GLI3: variants seen among roughly 807,000 people sequenced by gnomAD.
The protein encoded by GLI3 is GLI family zinc finger 3.
A neutral mutation model predicts 100.8 loss-of-function variants in GLI3; 20 were observed. The observed-to-expected ratio is 0.20, with a 90% CI of 0.14 to 0.29. The LOEUF (loss-of-function observed/expected upper bound fraction) is 0.29, where lower values mean the gene tolerates loss of function less well. Ranked by LOEUF, GLI3 falls within the 10% of genes least tolerant of loss-of-function variation. GLI3 has a pLI of 1.00. For synonymous variants in GLI3, 938 were observed against 860.5 expected (o/e 1.09, Z -1.58); for missense variants, 2,040 against 2,128.5 (o/e 0.96, Z 0.82).
At chr7:42,023,760 G>C in intron 9 of GLI3, 152 bp from the exon 10 acceptor site, 1 of 671,350 alleles carries the variant, frequency 1.5e-6, no homozygotes, top group South Asian at 1.8e-5. Flanking sequence ...TCATATCTGT[G>C]CATATTTTCA....
chr7:42,024,494 T>C (rs370569453), intron 9 of GLI3, among the ~76,000 whole-genome samples: 27 of 152,314 alleles, frequency 1.8e-4, no homozygotes, highest in African/African-American at 6.5e-4. Flanking sequence ...GCAAGCAGTC[T>C]GAGGTTTGGG....
intron 5 of GLI3, among the ~76,000 whole-genome samples, chr7:42,045,881 C>A (rs1189026778): frequency 6.6e-6 from 1 of 152,132 alleles, no homozygotes; most frequent in Non-Finnish European, 1.5e-5. Context: ...GTTTGCATTT[C>A]TTACAATAGT....
At chr7:41,984,012 G>A (rs1427097095) in intron 10 of GLI3, among the ~76,000 whole-genome samples, 2 of 152,102 alleles carry the variant, frequency 1.3e-5, no homozygotes, top group South Asian at 2.1e-4. Flanking sequence ...TTGGGGCTCC[G>A]GGAGCCCATA....
chr7:42,099,294 G>A (rs552186713), intron 3 of GLI3, among the ~76,000 whole-genome samples: 10 of 152,172 alleles, frequency 6.6e-5, no homozygotes, highest in Non-Finnish European at 1.5e-4. Flanking sequence ...CTCACTTTGA[G>A]TGATTACTTC....
chr7:42,102,138 G>A (rs4281031), intron 3 of GLI3, among the ~76,000 whole-genome samples: 52,560 of 151,342 alleles, frequency 0.35, 9,677 homozygotes, highest in African/African-American at 0.47. Flanking sequence ...TAATGCCGCT[G>A]TAAACATACG....
At chr7:42,094,758 A>G (rs1156398940) in intron 3 of GLI3, among the ~76,000 whole-genome samples, 1 of 152,124 alleles carries the variant, frequency 6.6e-6, no homozygotes, top group African/African-American at 2.4e-5. Flanking sequence ...AATTAAAAAA[A>G]AAGACAATTC....
chr7:41,967,244 T>A (rs1043757560), intron 14 of GLI3, among the ~76,000 whole-genome samples: 2 of 152,128 alleles, frequency 1.3e-5, no homozygotes, highest in South Asian at 2.1e-4. Flanking sequence ...TAAATATAAA[T>A]AAAAGTGGCT....
At chr7:42,037,636 A>G (rs974114422) in intron 7 of GLI3, among the ~76,000 whole-genome samples, 5 of 152,240 alleles carry the variant, frequency 3.3e-5, no homozygotes, top group Non-Finnish European at 7.3e-5. Flanking sequence ...GATGCAATCG[A>G]AAGTCTCAAA....
upstream of GLI3, among the ~76,000 whole-genome samples, chr7:42,238,198 C>G (rs991530118): frequency 6.6e-6 from 1 of 151,964 alleles, no homozygotes; most frequent in Non-Finnish European, 1.5e-5. Flanking sequence ...TCTCTCTTCT[C>G]TCTCCACACC....
At chr7:42,169,875 T>C (rs1043185146) in intron 2 of GLI3, among the ~76,000 whole-genome samples, 1 of 152,114 alleles carries the variant, frequency 6.6e-6, no homozygotes, top group Non-Finnish European at 1.5e-5. Context: ...TTACTTCTTA[T>C]ATTTCAATTA....
intron 10 of GLI3, among the ~76,000 whole-genome samples, chr7:42,011,793 C>T (rs1000658672): frequency 1.3e-5 from 2 of 152,168 alleles, no homozygotes; most frequent in African/African-American, 4.8e-5. Context: ...TTCATGCATA[C>T]AGAGCTGCCT....
chr7:42,222,095 G>A (rs572684085), intron 2 of GLI3, among the ~76,000 whole-genome samples: 210 of 152,312 alleles, frequency 1.4e-3, no homozygotes, highest in Admixed American at 3.2e-3. Flanking sequence ...AGAGAGAAGT[G>A]GCCAGGCTGC....
intron 7 of GLI3, 105 bp from the exon 8 acceptor site, chr7:42,026,517 A>T (rs1010371352): frequency 4.6e-6 from 4 of 878,194 alleles, no homozygotes; most frequent in African/African-American, 3.3e-5. Context: ...TCCCAAATCA[A>T]ATTTGTTTAA....
intron 2 of GLI3, among the ~76,000 whole-genome samples, chr7:42,182,658 A>ATATATATACGTGTGTG (rs552891698): frequency 3.4e-4 from 19 of 56,020 alleles, no homozygotes; most frequent in Non-Finnish European, 4.8e-4. Flanking sequence ...ATATATATAT[A>ATATATATACGTGTGTG]TATATATATA....
chr7:42,118,092 T>G (rs1785905230), intron 3 of GLI3: 5 of 372,422 alleles, frequency 1.3e-5, no homozygotes, highest in Non-Finnish European at 1.9e-5. Context: ...GGGATTTTTT[T>G]CTTTTTAATG....
chr7:42,080,898 C>G (rs1367904853), intron 3 of GLI3, among the ~76,000 whole-genome samples: 1 of 152,152 alleles, frequency 6.6e-6, no homozygotes, highest in African/African-American at 2.4e-5. Context: ...CCATAATTAC[C>G]CAGCTCGCAG....
chr7:42,089,997 T>C, intron 3 of GLI3, among the ~76,000 whole-genome samples: 1 of 152,196 alleles, frequency 6.6e-6, no homozygotes, highest in East Asian at 1.9e-4. Context: ...TGGTATAGCC[T>C]ATTACTCGTA....
chr7:42,150,096 A>C (rs1438577952), intron 2 of GLI3: 1 of 152,166 alleles, frequency 6.6e-6, no homozygotes, highest in Non-Finnish European at 1.5e-5. Flanking sequence ...TGACTACTAC[A>C]AGGTAACTGT....
intron 7 of GLI3, among the ~76,000 whole-genome samples, chr7:42,031,048 C>G (rs536739357): frequency 6.6e-6 from 1 of 152,214 alleles, no homozygotes; most frequent in African/African-American, 2.4e-5. Context: ...ATCTCTTATA[C>G]CTTCTCTAGA....
Sources: gnomAD v4.1 joint callset for allele counts (sites outside exome capture counted in the v4.1 genomes callset) on GRCh38, gnomAD v4.1.1 for gene constraint, MANE v1.5 for transcripts, NCBI Gene and HGNC (gene_info 2026-07-23, HGNC 2026-07-21) for gene names.